CENPE: variants seen among roughly 807,000 people sequenced by gnomAD.
CENPE encodes the protein centromere protein E.
A neutral mutation model predicts 336.1 loss-of-function variants in CENPE; 145 were observed. That is an observed-to-expected ratio of 0.43 (90% CI 0.38 to 0.50). The LOEUF (loss-of-function observed/expected upper bound fraction) is 0.50. Among genes scored for constraint, CENPE ranks in the 20% least tolerant of loss-of-function variants. CENPE has a pLI of 0.00. For synonymous variants in CENPE, 1,013 were observed against 984.8 expected, an observed-to-expected ratio of 1.03 and a Z score of -0.54; for missense variants, 2,719 against 3,023.3, an observed-to-expected ratio of 0.90 and a Z score of 2.36.
intron 16 of CENPE, among the ~76,000 whole-genome samples, chr4:103,167,453 T>C (rs1051520214): frequency 1.3e-5 from 2 of 152,156 alleles, no homozygotes; most frequent in Non-Finnish European, 2.9e-5. Flanking sequence ...ATTTCTTAAA[T>C]TTTCTAAATT....
intron 8 of CENPE, among the ~76,000 whole-genome samples, chr4:103,189,677 G>C (rs773253995): frequency 4.6e-5 from 7 of 152,034 alleles, no homozygotes; most frequent in African/African-American, 9.7e-5. Flanking sequence ...AAACCCACAG[G>C]CAATATCATA....
At chr4:103,113,245 T>A (rs984072798) in intron 46 of CENPE, among the ~76,000 whole-genome samples, 9 of 141,408 alleles carry the variant, frequency 6.4e-5, no homozygotes, top group Non-Finnish European at 1.1e-4. Context: ...TATATACTTA[T>A]AAGTATATAT....
At chr4:103,131,102 T>A (rs760913722) in intron 42 of CENPE, among the ~76,000 whole-genome samples, 35 of 152,166 alleles carry the variant, frequency 2.3e-4, no homozygotes, top group Non-Finnish European at 3.1e-4. Context: ...CTAGACTTTT[T>A]TTTAACATTA....
chr4:103,163,141 G>A lies in CENPE; in HGVS notation c.1838C>T (p.Ser613Leu), dbSNP rs1754595724. 2 of 1,604,698 alleles carry A rather than the reference G, an allele frequency of 1.2e-6. No homozygotes were observed. The highest frequency in any genetic ancestry group is 1.7e-6 in the Non-Finnish European group (2 of 1,176,498). ...CAAAATACGCCTGATTTTTACCAAT[G>A]AGTATGACAAGTCCATTTTTATATT... ...LENIKMDLSY[S>L]LESIEDPKQM... is the part of the protein sequence containing the mutation. Residue 613 changes from serine (S) to leucine (L), a missense_variant, in exon 18 of 49, where the codon TCA (serine) becomes TTA (leucine). By Grantham distance (145) the Ser-to-Leu change is moderately radical. Around this residue, in one of 5 missense-constraint regions of CENPE, gnomAD observed 2,437 missense variants for 2,513.3 expected, o/e 0.97. Coordinates refer to ENST00000265148, the MANE Select transcript of CENPE (RefSeq NM_001813.3).
chr4:103,189,832 G>C (rs760725616), intron 8 of CENPE, among the ~76,000 whole-genome samples: 15 of 152,120 alleles, frequency 9.9e-5, no homozygotes, highest in Non-Finnish European at 2.1e-4. Flanking sequence ...TATTCAATTA[G>C]GAAAAGAGGA....
At chr4:103,119,569 G>A (rs1308996875) in intron 44 of CENPE, among the ~76,000 whole-genome samples, 1 of 152,172 alleles carries the variant, frequency 6.6e-6, no homozygotes, top group East Asian at 1.9e-4. Flanking sequence ...TAACTGGAGA[G>A]AAAAGACACT....
intron 29 of CENPE, 118 bp from the exon 30 acceptor site, chr4:103,146,225 C>T: frequency 1.2e-6 from 1 of 849,440 alleles, no homozygotes; most frequent in Non-Finnish European, 1.8e-6. Context: ...ATTTACAGAG[C>T]AATCTCTCCA....
intron 42 of CENPE, among the ~76,000 whole-genome samples, chr4:103,125,896 C>G (rs1751052392): frequency 6.7e-6 from 1 of 149,076 alleles, no homozygotes; most frequent in South Asian, 2.1e-4. Context: ...AAGGAGTTAC[C>G]TAACAAGGAA....
chr4:103,161,322 A>C lies in CENPE; in HGVS notation c.1965+13T>G, dbSNP rs1230273335. The C allele has an allele frequency of 6.2e-7, 1 of 1,606,618 alleles. No homozygotes were observed. The highest frequency in any genetic ancestry group is 1.7e-5 in the Admixed American group (1 of 58,594). ...ACAACTACTTTATTATAAATATTAC[A>C]AAAAATACTTACCATTTTCTCCTTC... On this transcript the variant is annotated intron_variant, in intron 19 of 48. Transcript: ENST00000265148.
Position 103,108,908 on chromosome 4 carries a change from G to C in CENPE, c.7906C>G (p.Pro2636Ala). Reference protein sequence around the residue: ...CKERNLQDPVPKESPKSCFFD... With the variant: ...CKERNLQDPVAKESPKSCFFD... ...AAACAAGATTTTGGTGATTCCTTTG[G>C]CACAGGATCTTGTAAATTCCGTTCC... Residue 2636 changes from proline (P) to alanine (A), a missense_variant, in exon 48 of 49, where the codon CCA (proline) becomes GCA (alanine). By Grantham distance (27) the Pro-to-Ala change is conservative (BLOSUM62 -1). Around this residue, in one of 5 missense-constraint regions of CENPE, gnomAD observed 2,437 missense variants for 2,513.3 expected, o/e 0.97. Transcript: ENST00000265148. 2 of 1,613,822 alleles carry C rather than the reference G, an allele frequency of 1.2e-6. No individual in the cohort carries two copies. Among genetic ancestry groups the C allele is most frequent in the South Asian group, 2.2e-5 (2 of 91,072 alleles).
intron 13 of CENPE, among the ~76,000 whole-genome samples, chr4:103,179,109 T>C (rs1578669054): frequency 6.6e-6 from 1 of 152,142 alleles, no homozygotes; most frequent in Non-Finnish European, 1.5e-5. Context: ...AGGAATTGCT[T>C]GCAAGTCATT....
At chr4:103,179,543 G>A (rs1336432042) in intron 13 of CENPE, among the ~76,000 whole-genome samples, 2 of 152,128 alleles carry the variant, frequency 1.3e-5, no homozygotes, top group Non-Finnish European at 2.9e-5. Flanking sequence ...ATATACCTCT[G>A]TACATAATGC....
At position 103,197,013 on chromosome 4, in the gene CENPE, G is replaced by A. The variant is rs192652044; in HGVS notation, c.57-163C>T. On this transcript the variant is annotated intron_variant, in intron 1 of 48. Transcript: ENST00000265148. The stretch of plus-strand genomic sequence containing the variant: ...GATTCAACTCTTAAATGGAGCTTCA[G>A]TGACCTTCTGCCGCCTCAAAAGTGT... Among the ~76,000 whole-genome samples, 184 of 152,326 alleles carry A rather than the reference G, an allele frequency of 1.2e-3. 2 individuals are homozygous for A. The highest frequency in any genetic ancestry group is 3.4e-3 in the Middle Eastern group (1 of 294).
At chr4:103,145,801 TA>T (rs760659279) in intron 30 of CENPE, 27 bp downstream of exon 30, 1 of 1,560,654 alleles carries the variant, frequency 6.4e-7, no homozygotes, top group South Asian at 1.2e-5. Flanking sequence ...AAATATTTTT[TA>T]AAAACATGGT....
intron 34 of CENPE, 59 bp downstream of exon 34, chr4:103,143,189 A>G: frequency 8.1e-7 from 1 of 1,242,066 alleles, no homozygotes; most frequent in Non-Finnish European, 1.1e-6. Flanking sequence ...ATCTTGTTTC[A>G]TTACACAAAA....
intron 38 of CENPE, 24 bp from the exon 39 acceptor site, chr4:103,138,473 A>G (rs375327775): frequency 5.2e-5 from 79 of 1,516,630 alleles, no homozygotes; most frequent in Non-Finnish European, 7.1e-5. Flanking sequence ...AAGAAAATAA[A>G]CAGGGCTTTT....
Position 103,196,022 on chromosome 4 carries a change from A to G in CENPE, c.255T>C (p.Tyr85=), listed in dbSNP as rs116578126. ...ATGTTTTTCCTGAAGCAGTCTGTCCATAGGCAAATATAGTACCTGCAAAAA... is the reference window on the plus strand; with the variant it reads ...ATGTTTTTCCTGAAGCAGTCTGTCCGTAGGCAAATATAGTACCTGCAAAAA... The part of the protein sequence containing the change: ...IQGYNGTIFA[Y]GQTASGKTYT... The change falls in exon 4 of 49, where the codon TAT becomes TAC. Residue 85 remains tyrosine (Y), a synonymous_variant. Transcript: ENST00000265148. 203 of 1,612,768 alleles carry G rather than the reference A, an allele frequency of 1.3e-4. No homozygotes were observed. The African/African-American group carries it at 2.0e-3, about 16-fold the overall frequency.
intron 16 of CENPE, among the ~76,000 whole-genome samples, chr4:103,166,292 T>C (rs1343356308): frequency 2.0e-5 from 3 of 152,282 alleles, no homozygotes; most frequent in South Asian, 2.1e-4. Flanking sequence ...CATAATAGGA[T>C]TGGATCTGCG....
intron 42 of CENPE, among the ~76,000 whole-genome samples, chr4:103,128,620 T>C (rs1560605528): frequency 1.3e-5 from 2 of 152,182 alleles, no homozygotes; most frequent in Non-Finnish European, 2.9e-5. Context: ...AATACATTTC[T>C]AAATAACATA....
Sources: gnomAD v4.1 joint callset for allele counts (sites outside exome capture counted in the v4.1 genomes callset) on GRCh38, gnomAD v4.1.1 for gene constraint, gnomAD v4.1.1 regional missense constraint, MANE v1.5 for transcripts, NCBI Gene and HGNC (gene_info 2026-07-23, HGNC 2026-07-21) for gene names.